The following CD55 variants were observed in gnomAD, a reference collection of about 807,000 sequenced individuals.
CD55 encodes CD55 molecule (Cromer blood group).
CD55 carries 41 observed loss-of-function variants against 45.8 expected under a neutral mutation model. The ratio of observed to expected loss-of-function variants is 0.90; its 90% confidence interval spans 0.70 to 1.16. The LOEUF is 1.16. Among genes scored for constraint, CD55 ranks in the 50% most tolerant of loss-of-function variants. CD55 has a pLI of 0.00. For missense variants in CD55, 416 were observed against 469.8 expected (o/e 0.89, Z 1.06); for synonymous variants, 181 against 181.1 (o/e 1.00, Z 0.01).
intron 9 of CD55, among the ~76,000 whole-genome samples, chr1:207,341,551 A>G (rs1558152525): frequency 1.3e-5 from 2 of 152,204 alleles, no homozygotes; most frequent in Non-Finnish European, 2.9e-5. Flanking sequence ...TTGTAAAAAA[A>G]TCAGTTAGCT....
intron 2 of CD55, among the ~76,000 whole-genome samples, chr1:207,324,065 T>C (rs1654554883): frequency 6.6e-6 from 1 of 152,132 alleles, no homozygotes; most frequent in African/African-American, 2.4e-5. Context: ...GCAATCTGTT[T>C]ACAGGTGTAA....
At chr1:207,346,238 TG>T (rs1655633332) in intron 9 of CD55, among the ~76,000 whole-genome samples, 1 of 152,152 alleles carries the variant, frequency 6.6e-6, no homozygotes, top group South Asian at 2.1e-4. Flanking sequence ...GCTTACCAGC[TG>T]TGATGTTAGT....
At chr1:207,330,987 G>C (rs758198593) in intron 5 of CD55, 121 bp from the exon 6 acceptor site, 4 of 793,212 alleles carry the variant, frequency 5.0e-6, no homozygotes, top group Non-Finnish European at 7.8e-6. Context: ...TGGTAATGCT[G>C]AATTTAGAAA....
intron 9 of CD55, 94 bp downstream of exon 9, chr1:207,339,511 A>T (rs1208973987): frequency 1.5e-5 from 15 of 968,482 alleles, no homozygotes; most frequent in South Asian, 7.8e-5. Flanking sequence ...TCTTGTTTTT[A>T]AAAAAATGTA....
chr1:207,345,973 C>G (rs1655618908), intron 9 of CD55, among the ~76,000 whole-genome samples: 1 of 152,246 alleles, frequency 6.6e-6, no homozygotes, highest in Non-Finnish European at 1.5e-5. Flanking sequence ...CTGAGTTTGC[C>G]TGTCCTTGGG....
intron 7 of CD55, 115 bp downstream of exon 7, chr1:207,336,933 C>T: frequency 1.6e-6 from 2 of 1,225,102 alleles, no homozygotes; most frequent in South Asian, 1.3e-5. Context: ...ACAATAGTCA[C>T]ACCAACACCT....
chr1:207,357,393 GA>G (rs921205732), intron 9 of CD55, among the ~76,000 whole-genome samples: 4 of 151,636 alleles, frequency 2.6e-5, no homozygotes, highest in Admixed American at 6.6e-5. Flanking sequence ...AAGCTACTCT[GA>G]AAAAAAATAA....
intron 5 of CD55, among the ~76,000 whole-genome samples, chr1:207,327,693 A>C (rs1654748565): frequency 6.6e-6 from 1 of 152,202 alleles, no homozygotes; most frequent in African/African-American, 2.4e-5. Flanking sequence ...CTAGGGGAAG[A>C]AAACTAGAGT....
intron 9 of CD55, among the ~76,000 whole-genome samples, chr1:207,346,747 G>T (rs1031717759): frequency 3.9e-5 from 6 of 152,186 alleles, no homozygotes; most frequent in African/African-American, 1.4e-4. Flanking sequence ...TCTGGGAGGG[G>T]CTGGGCTCTC....
chr1:207,341,358 G>A (rs1655417859), intron 9 of CD55, among the ~76,000 whole-genome samples: 1 of 152,090 alleles, frequency 6.6e-6, no homozygotes. Context: ...ATGTCCTGTA[G>A]CATCTTCCTG....
chr1:207,338,631 T>C (rs1283277044), intron 8 of CD55, among the ~76,000 whole-genome samples: 1 of 152,162 alleles, frequency 6.6e-6, no homozygotes, highest in Non-Finnish European at 1.5e-5. Flanking sequence ...TATAAAAAAA[T>C]TGTAGCCACC....
rs573930689 is a variant in CD55 at position 207,357,704 on chromosome 1, A to C, written c.1082-1842A>C. ...GATACTTGTATGTCCTATTAAGGACATAAAGTACTGGAACATCGAAGGAGG... is the reference window on the plus strand; with the variant it reads ...GATACTTGTATGTCCTATTAAGGACCTAAAGTACTGGAACATCGAAGGAGG... On this transcript the variant is annotated intron_variant, in intron 9 of 9. Transcript: ENST00000367064. Among the ~76,000 whole-genome samples the C allele has an allele frequency of 5.9e-5, 9 of 152,270 alleles. 1 individual carries two copies. The East Asian group carries it at 1.5e-3, about 26-fold the overall frequency.
At position 207,324,596 on chromosome 1, in the gene CD55, C is replaced by A; in HGVS notation, c.324C>A (p.Ser108=). 6.3e-7 allele frequency: 1 copy of A among 1,593,698 alleles called. No homozygotes were observed. The highest frequency in any genetic ancestry group is 8.5e-7 in the Non-Finnish European group (1 of 1,170,226). The change falls in exon 3 of 10, where the codon TCC becomes TCA. Residue 108 remains serine, a synonymous_variant. Coordinates refer to ENST00000367064, the MANE Select transcript of CD55 (RefSeq NM_000574.5). ...TGCCAACAAGGCTAAATTCTGCATC[C>A]CTCAAACAGCCTTATATCACTCAGA... ...CEVPTRLNSA[S]LKQPYITQNY... is the part of the protein sequence containing the mutation.
rs1478473149 is a variant in CD55, at chr1:207,322,409, C to G, written c.128C>G (p.Pro43Arg). Residue 43 changes from proline to arginine, a missense_variant, in exon 2 of 10, where the codon CCT becomes CGT. Coordinates refer to ENST00000367064, the MANE Select transcript of CD55 (RefSeq NM_000574.5). ...GACTGTGGCCTTCCCCCAGATGTAC[C>G]TAATGCCCAGCCAGCTTTGGAAGGC... Reference protein sequence around the residue: ...WGDCGLPPDVPNAQPALEGRT... With the variant: ...WGDCGLPPDVRNAQPALEGRT... The G allele has an allele frequency of 3.1e-6, 5 of 1,614,002 alleles. No individual in the cohort carries two copies. The highest frequency in any genetic ancestry group is 3.4e-6 in the Non-Finnish European group (4 of 1,179,972).
intron 9 of CD55, among the ~76,000 whole-genome samples, chr1:207,345,059 C>T (rs776230990): frequency 2.0e-5 from 3 of 152,126 alleles, no homozygotes; most frequent in Non-Finnish European, 4.4e-5. Context: ...GATCTCTGAG[C>T]CTCCTGTGTC....
At chr1:207,335,012 GAC>G (rs1299284749) in intron 6 of CD55, among the ~76,000 whole-genome samples, 2 of 152,034 alleles carry the variant, frequency 1.3e-5, no homozygotes, top group African/African-American at 4.8e-5. Flanking sequence ...AAAATAAGCT[GAC>G]ACAGTTACAT....
intron 9 of CD55, chr1:207,347,496 G>C (rs927376171): frequency 3.6e-6 from 1 of 280,046 alleles, no homozygotes; most frequent in Non-Finnish European, 7.3e-6. Context: ...TCCTGGCCTC[G>C]AGATCTGCCT....
intron 6 of CD55, among the ~76,000 whole-genome samples, chr1:207,331,850 G>A (rs1654961437): frequency 6.6e-6 from 1 of 152,090 alleles, no homozygotes; most frequent in Non-Finnish European, 1.5e-5. Context: ...CCTTCGAACT[G>A]CTTTTTAAAT....
At chr1:207,323,712 C>T (rs965911391) in intron 2 of CD55, among the ~76,000 whole-genome samples, 4 of 152,172 alleles carry the variant, frequency 2.6e-5, no homozygotes, top group African/African-American at 9.7e-5. Context: ...TAGGCTTTAA[C>T]TTTTTATTTT....
Sources: allele counts gnomAD v4.1 joint callset (sites outside exome capture counted in the v4.1 genomes callset), GRCh38; gene constraint gnomAD v4.1.1; transcripts MANE v1.5; gene names NCBI Gene and HGNC (gene_info 2026-07-23, HGNC 2026-07-21).